NCAM2: variants seen among roughly 807,000 people sequenced by gnomAD.
NCAM2 encodes N-CAM-2.
In NCAM2, 30 loss-of-function variants were observed where a neutral mutation model predicts 98.1. That is an observed-to-expected ratio of 0.31 (90% confidence interval 0.23 to 0.41). The LOEUF is 0.41. Among genes scored for constraint, NCAM2 ranks in the 10% least tolerant of loss-of-function variants. The pLI, the probability that NCAM2 is intolerant of heterozygous loss-of-function variation, is 1.00. For missense variants in NCAM2, 867 were observed against 1,005.8 expected, an observed-to-expected ratio of 0.86 and a Z score of 1.87; for synonymous variants, 368 against 342.4, an observed-to-expected ratio of 1.07 and a Z score of -0.83.
intron 5 of NCAM2, among the ~76,000 whole-genome samples, chr21:21,312,084 TTACAGA>T (rs1438739335): frequency 6.6e-6 from 1 of 152,128 alleles, no homozygotes; most frequent in Admixed American, 6.5e-5. Context: ...GCTCCCAGTC[TTACAGA>T]TAAAGTATTC....
rs138944464 is a variant in NCAM2, at chr21:21,328,579, T to TA, written c.737+4093dup. Among the ~76,000 whole-genome samples the TA allele has an allele frequency of 3.3e-3, 468 of 143,200 alleles. 1 individual carries two copies. The highest frequency in any genetic ancestry group is 8.4e-3 in the Admixed American group (119 of 14,194). The allele number at this position is 143,200 out of a possible 152,430, so 93.9% of individuals were successfully genotyped here. On this transcript the variant is annotated intron_variant, in intron 6 of 17. Coordinates refer to ENST00000400546, the MANE Select transcript of NCAM2 (RefSeq NM_004540.5). ...CGAGGCTAATGGGGGTATCTTCCTT[T>TA]AAAAAAAAAAAAAATTAGTGATAAA...
At chr21:21,229,920 T>G (rs1048718739) in intron 1 of NCAM2, among the ~76,000 whole-genome samples, 14 of 151,508 alleles carry the variant, frequency 9.2e-5, no homozygotes, top group Non-Finnish European at 1.9e-4. Context: ...ACATTAAGTC[T>G]TGTATAAAAT....
At chr21:21,233,690 C>A (rs113905763) in intron 1 of NCAM2, among the ~76,000 whole-genome samples, 6 of 151,740 alleles carry the variant, frequency 4.0e-5, no homozygotes, top group African/African-American at 1.4e-4. Flanking sequence ...ACTATAGATA[C>A]AAATAACATG....
chr21:21,454,587 G>A (rs1022996851), intron 12 of NCAM2, among the ~76,000 whole-genome samples: 6 of 151,694 alleles, frequency 4.0e-5, no homozygotes, highest in South Asian at 2.1e-4. Flanking sequence ...TGCATTTGTC[G>A]GTTTCAGCAG....
chr21:21,008,931 A>G (rs1012776384), intron 1 of NCAM2, among the ~76,000 whole-genome samples: 7 of 152,164 alleles, frequency 4.6e-5, no homozygotes, highest in Non-Finnish European at 8.8e-5. Flanking sequence ...TCATTGTTAA[A>G]GGCTTTGAGG....
intron 9 of NCAM2, among the ~76,000 whole-genome samples, chr21:21,385,982 T>C (rs191112527): frequency 2.2e-3 from 332 of 152,282 alleles, no homozygotes; most frequent in African/African-American, 7.7e-3. Flanking sequence ...TGGTGATTTG[T>C]AAATGCATTT....
chr21:21,451,908 G>A (rs1217249355), intron 12 of NCAM2, among the ~76,000 whole-genome samples: 3 of 151,962 alleles, frequency 2.0e-5, no homozygotes, highest in African/African-American at 7.3e-5. Context: ...CCATGGTAGT[G>A]TTGTCTTTTT....
intron 5 of NCAM2, among the ~76,000 whole-genome samples, chr21:21,305,665 A>T (rs562424026): frequency 6.6e-6 from 1 of 152,086 alleles, no homozygotes. Flanking sequence ...ATAGAGTTTT[A>T]TTAGTTATAT....
At chr21:21,163,568 C>T (rs537740845) in intron 1 of NCAM2, among the ~76,000 whole-genome samples, 3 of 152,084 alleles carry the variant, frequency 2.0e-5, no homozygotes, top group East Asian at 1.9e-4. Context: ...CTTGATATAA[C>T]GTACATGAAT....
At chr21:21,120,907 G>A (rs2066660321) in intron 1 of NCAM2, among the ~76,000 whole-genome samples, 1 of 151,798 alleles carries the variant, frequency 6.6e-6, no homozygotes, top group Non-Finnish European at 1.5e-5. Flanking sequence ...TAGTAGAGAT[G>A]GGGTTTCAGC....
chr21:21,304,343 T>C (rs2073817041), intron 5 of NCAM2, among the ~76,000 whole-genome samples: 1 of 151,556 alleles, frequency 6.6e-6, no homozygotes. Flanking sequence ...TTTTTTGGCA[T>C]GTGAATGTCC....
Position 21,284,394 on chromosome 21 carries a change from A to G in NCAM2, c.331A>G (p.Ile111Val), listed in dbSNP as rs1294798952. ...ACAAGAAGCTACAGTAGTTTTGGAA[A>G]TTTACCGTAAGTAATGTATTTATAT... ...QTQEATVVLE[I>V]YQKLTFREVV... The change falls in exon 3 of 18, where the codon ATT becomes GTT. Residue 111 changes from isoleucine (I) to valine (V), a missense_variant. By Grantham distance (29) the Ile-to-Val change is conservative. Transcript: ENST00000400546. 1 of 1,606,434 alleles carries G rather than the reference A, an allele frequency of 6.2e-7. No individual in the cohort carries two copies. The highest frequency in any genetic ancestry group is 2.2e-5 in the East Asian group (1 of 44,692).
intron 14 of NCAM2, among the ~76,000 whole-genome samples, chr21:21,474,371 A>G (rs542792433): frequency 6.6e-6 from 1 of 152,208 alleles, no homozygotes; most frequent in African/African-American, 2.4e-5. Flanking sequence ...TAAGAGCTAA[A>G]TGATTGTTAA....
intron 1 of NCAM2, among the ~76,000 whole-genome samples, chr21:21,184,897 T>A (rs748129707): frequency 6.6e-5 from 10 of 152,124 alleles, no homozygotes; most frequent in Non-Finnish European, 1.0e-4. Context: ...AGCCTATTTT[T>A]AAAAATAAGT....
chr21:21,221,840 A>G (rs62209184), intron 1 of NCAM2, among the ~76,000 whole-genome samples: 3,746 of 152,266 alleles, frequency 0.025, 67 homozygotes, highest in Admixed American at 0.045. Context: ...TGTAGGTGAA[A>G]TAACATTCTA....
chr21:21,323,551 A>C (rs959710001), intron 5 of NCAM2, among the ~76,000 whole-genome samples: 1 of 152,194 alleles, frequency 6.6e-6, no homozygotes, highest in African/African-American at 2.4e-5. Context: ...TTAAAATTAT[A>C]AAAGTGTGCA....
chr21:21,494,313 T>A (rs2146316248), intron 15 of NCAM2, among the ~76,000 whole-genome samples: 1 of 152,044 alleles, frequency 6.6e-6, no homozygotes, highest in Admixed American at 6.6e-5. Context: ...AAAATAATTT[T>A]GTTTGTACAA....
intron 5 of NCAM2, among the ~76,000 whole-genome samples, chr21:21,308,472 T>A (rs1319693057): frequency 1.3e-5 from 2 of 152,182 alleles, no homozygotes; most frequent in African/African-American, 2.4e-5. Context: ...TTTTTTTAGA[T>A]ACAAACTCCT....
chr21:21,362,827 G>C (rs2075683187), intron 8 of NCAM2, among the ~76,000 whole-genome samples: 1 of 152,094 alleles, frequency 6.6e-6, no homozygotes, highest in African/African-American at 2.4e-5. Context: ...CTATGAATAT[G>C]TTTAGGTTAA....
Sources: allele counts gnomAD v4.1 joint callset (sites outside exome capture counted in the v4.1 genomes callset), GRCh38; gene constraint gnomAD v4.1.1; transcripts MANE v1.5; gene names NCBI Gene and HGNC (gene_info 2026-07-23, HGNC 2026-07-21).